The following MGAT4C variants were observed in gnomAD, a reference collection of about 807,000 sequenced individuals.
MGAT4C encodes MGAT4 family member C.
A neutral mutation model predicts 40.1 loss-of-function variants in MGAT4C; 19 were observed. The observed-to-expected ratio is 0.47, with a 90% confidence interval of 0.33 to 0.70. The LOEUF (loss-of-function observed/expected upper bound fraction) is 0.70. Ranked by LOEUF, MGAT4C falls within the 30% of genes least tolerant of loss-of-function variation. The pLI is 0.02. For missense variants in MGAT4C, 491 were observed against 563.2 expected, an observed-to-expected ratio of 0.87 and a Z score of 1.30; for synonymous variants, 181 against 187.1, an observed-to-expected ratio of 0.97 and a Z score of 0.27.
chr12:86,388,129 A>C (rs1281512605), intron 3 of MGAT4C, among the ~76,000 whole-genome samples: 1 of 152,146 alleles, frequency 6.6e-6, no homozygotes, highest in African/African-American at 2.4e-5. Context: ...AAATGCAGTA[A>C]GAAGACTATA....
intron 2 of MGAT4C, among the ~76,000 whole-genome samples, chr12:86,010,232 G>A (rs189215799): frequency 2.6e-5 from 4 of 152,256 alleles, no homozygotes; most frequent in African/African-American, 9.6e-5. Flanking sequence ...ACAGACATCA[G>A]AAGCAAAGTT....
intron 2 of MGAT4C, among the ~76,000 whole-genome samples, chr12:86,605,109 T>C (rs944902856): frequency 6.6e-6 from 1 of 152,120 alleles, no homozygotes; most frequent in African/African-American, 2.4e-5. Context: ...TCCTGAAAAA[T>C]GCTTGCCAAT....
At chr12:86,294,703 T>G (rs560662400) in intron 4 of MGAT4C, among the ~76,000 whole-genome samples, 1 of 152,338 alleles carries the variant, frequency 6.6e-6, no homozygotes, top group African/African-American at 2.4e-5. Flanking sequence ...TAAATACTTT[T>G]AGTTTCCCAG....
At chr12:86,680,243 C>A (rs1024938365) in intron 2 of MGAT4C, among the ~76,000 whole-genome samples, 1 of 151,816 alleles carries the variant, frequency 6.6e-6, no homozygotes, top group East Asian at 1.9e-4. Flanking sequence ...TGCTAATATA[C>A]TTTTAGTAAC....
intron 1 of MGAT4C, among the ~76,000 whole-genome samples, chr12:86,203,714 T>C (rs1950136505): frequency 6.6e-6 from 1 of 152,064 alleles, no homozygotes; most frequent in Admixed American, 6.6e-5. Context: ...TCCCAGCACT[T>C]TGGGAGGTTG....
chr12:86,341,822 C>A (rs1241049218), intron 3 of MGAT4C, among the ~76,000 whole-genome samples: 2 of 152,132 alleles, frequency 1.3e-5, no homozygotes, highest in East Asian at 3.9e-4. Flanking sequence ...TCAGCCACAC[C>A]CACCTGAGCT....
chr12:86,632,026 C>T (rs1159761432), intron 2 of MGAT4C, among the ~76,000 whole-genome samples: 1 of 151,944 alleles, frequency 6.6e-6, no homozygotes, highest in African/African-American at 2.4e-5. Context: ...GGCTAGTGTC[C>T]AGAATCTACA....
chr12:86,501,589 G>A (rs946441702), intron 2 of MGAT4C, among the ~76,000 whole-genome samples: 5 of 140,142 alleles, frequency 3.6e-5, no homozygotes, highest in Non-Finnish European at 7.6e-5. Flanking sequence ...GTGAGAACAT[G>A]CAGTGCTTGG....
In MGAT4C at chr12:86,540,407, G is replaced by A. The variant is rs192101714; in HGVS notation, c.-228-105142C>T. ...GCCCAGGTTAAGCCTCAATGTGACTGTATCAGGGTCAACATCTTGGATGAA... is the reference window on the plus strand; with the variant it reads ...GCCCAGGTTAAGCCTCAATGTGACTATATCAGGGTCAACATCTTGGATGAA... On this transcript the variant is annotated intron_variant, in intron 2 of 7. Transcript: ENST00000548651. Among the ~76,000 whole-genome samples the A allele has an allele frequency of 1.6e-3, 238 of 152,316 alleles. 1 individual carries two copies. Among genetic ancestry groups the A allele is most frequent in the African/African-American group, 5.5e-3 (229 of 41,578 alleles).
At chr12:86,109,271 C>T (rs757620533) in intron 1 of MGAT4C, among the ~76,000 whole-genome samples, 1 of 152,120 alleles carries the variant, frequency 6.6e-6, no homozygotes, top group African/African-American at 2.4e-5. Context: ...TAGGTCTCCT[C>T]TTTTTGTGGA....
At chr12:85,994,596 G>C (rs1886387957) in intron 2 of MGAT4C, among the ~76,000 whole-genome samples, 1 of 148,704 alleles carries the variant, frequency 6.7e-6, no homozygotes, top group Admixed American at 6.6e-5. Flanking sequence ...CCTTGGTTTA[G>C]GAAAGTTTTT....
intron 4 of MGAT4C, among the ~76,000 whole-genome samples, chr12:86,307,779 TG>T (rs1044284718): frequency 6.7e-6 from 1 of 150,256 alleles, no homozygotes; most frequent in Non-Finnish European, 1.5e-5. Flanking sequence ...CTCGGCTCGC[TG>T]CAAGCTCCAC....
chr12:86,767,220 G>T (rs1006582302), intron 1 of MGAT4C, among the ~76,000 whole-genome samples: 28 of 152,262 alleles, frequency 1.8e-4, no homozygotes, highest in African/African-American at 6.5e-4. Context: ...ACTACCATCA[G>T]AGAATACTAC....
chr12:86,233,130 G>A (rs1050899016), intron 1 of MGAT4C, among the ~76,000 whole-genome samples: 1 of 152,138 alleles, frequency 6.6e-6, no homozygotes, highest in African/African-American at 2.4e-5. Flanking sequence ...ATCATATGTA[G>A]TGTTACGAAT....
upstream of MGAT4C, among the ~76,000 whole-genome samples, chr12:86,259,454 TA>T (rs1438810334): frequency 2.6e-5 from 4 of 151,980 alleles, no homozygotes; most frequent in Non-Finnish European, 5.9e-5. Context: ...ATTCTAAATG[TA>T]AAAATGTTAA....
chr12:86,721,925 G>T (rs915942741), intron 2 of MGAT4C, among the ~76,000 whole-genome samples: 8 of 152,018 alleles, frequency 5.3e-5, no homozygotes, highest in African/African-American at 1.9e-4. Context: ...AGAATGGTTA[G>T]CCCAGATATT....
intron 3 of MGAT4C, among the ~76,000 whole-genome samples, chr12:86,334,295 C>T (rs188221020): frequency 5.3e-4 from 81 of 152,148 alleles, no homozygotes; most frequent in Non-Finnish European, 1.1e-3. Flanking sequence ...TCTCTCTCCC[C>T]CAATATCTTT....
intron 2 of MGAT4C, among the ~76,000 whole-genome samples, chr12:86,578,849 T>A (rs1157436881): frequency 6.6e-6 from 1 of 151,686 alleles, no homozygotes; most frequent in Non-Finnish European, 1.5e-5. Flanking sequence ...CATCTATTTC[T>A]GCTCTGATCT....
intron 3 of MGAT4C, among the ~76,000 whole-genome samples, chr12:86,392,856 T>C (rs1309088106): frequency 1.3e-5 from 2 of 152,238 alleles, no homozygotes; most frequent in Non-Finnish European, 2.9e-5. Context: ...ATCATCAATT[T>C]GTACACTATA....
Sources: gnomAD v4.1 joint callset for allele counts (sites outside exome capture counted in the v4.1 genomes callset) on GRCh38, gnomAD v4.1.1 for gene constraint, MANE v1.5 for transcripts, NCBI Gene and HGNC (gene_info 2026-07-23, HGNC 2026-07-21) for gene names.